Variants in PLD5 observed in about 807,000 individuals in gnomAD.
PLD5 encodes phospholipase D family member 5.
PLD5 carries 36 observed loss-of-function variants against 61.1 expected under a neutral mutation model. That is an observed-to-expected ratio of 0.59 (90% confidence interval 0.45 to 0.78). PLD5 has a LOEUF of 0.78. Ranked by LOEUF, PLD5 falls within the 30% of genes least tolerant of loss-of-function variation. The probability of loss-of-function intolerance (pLI) is 0.00; values close to 1 mark genes in which losing one functional copy is unlikely to be tolerated. For missense variants in PLD5, 515 were observed against 644.4 expected, an observed-to-expected ratio of 0.80 and a Z score of 2.17; for synonymous variants, 243 against 242.8, an observed-to-expected ratio of 1.00 and a Z score of -0.01.
rs1391355118 is a variant in PLD5 at position 242,394,382 on chromosome 1, GTATATA to G, written c.190-46146_190-46141del. ...TGTGTATATATGAGTATATATGTGT[GTATATA>G]TGAGTATATATGTGTGTATATATGA... On this transcript the variant is annotated intron_variant, in intron 1 of 9. Coordinates refer to ENST00000536534, the MANE Select transcript of PLD5 (RefSeq NM_001372062.1). 4.5e-5 allele frequency among the ~76,000 whole-genome samples: 4 copies of G among 89,402 alleles called. 1 individual carries two copies. The highest frequency in any genetic ancestry group is 8.9e-5 in the Non-Finnish European group (4 of 45,126). The allele number at this position is 89,402 out of a possible 152,430, so 58.7% of individuals were successfully genotyped here.
At chr1:242,347,169 T>G (rs1660188375) in intron 2 of PLD5, among the ~76,000 whole-genome samples, 1 of 152,210 alleles carries the variant, frequency 6.6e-6, no homozygotes, top group South Asian at 2.1e-4. Flanking sequence ...TCAGAACATT[T>G]CCTGCAACAG....
At position 242,310,586 on chromosome 1, in the gene PLD5, T is replaced by C. The variant is rs375983217; in HGVS notation, c.327-22056A>G. Among the ~76,000 whole-genome samples the C allele has an allele frequency of 8.5e-5, 13 of 152,346 alleles. No homozygotes were observed. In the South Asian group the frequency reaches 2.3e-3, roughly 27 times the overall value. ...GGAGAGGAAGATGGAAAGCATCTTA[T>C]AGGTTGGTGCAAAAGTAATCATGGG... On this transcript the variant is annotated intron_variant, in intron 2 of 9. Transcript: ENST00000536534.
intron 1 of PLD5, among the ~76,000 whole-genome samples, chr1:242,447,994 TCA>T (rs1666616279): frequency 6.6e-6 from 1 of 152,250 alleles, no homozygotes; most frequent in African/African-American, 2.4e-5. Flanking sequence ...TCCGAAGCAC[TCA>T]GAGTCCCATT....
chr1:242,504,442 C>T (rs1377557975), intron 1 of PLD5, among the ~76,000 whole-genome samples: 1 of 152,186 alleles, frequency 6.6e-6, no homozygotes. Flanking sequence ...ATAGGGCCCA[C>T]TTAGGAGTCA....
chr1:242,273,453 A>G (rs1458668393), intron 3 of PLD5, among the ~76,000 whole-genome samples: 4 of 152,216 alleles, frequency 2.6e-5, no homozygotes, highest in Admixed American at 2.6e-4. Context: ...GGCACATATG[A>G]AGGGACCTCT....
chr1:242,339,807 A>T (rs1172909294), intron 2 of PLD5, among the ~76,000 whole-genome samples: 2 of 152,192 alleles, frequency 1.3e-5, no homozygotes, highest in Admixed American at 1.3e-4. Flanking sequence ...TGAAGGAGTT[A>T]CATCAGGTGG....
At chr1:242,287,591 A>G (rs1259641211) in intron 3 of PLD5, among the ~76,000 whole-genome samples, 1 of 152,112 alleles carries the variant, frequency 6.6e-6, no homozygotes, top group African/African-American at 2.4e-5. Flanking sequence ...ATACCACTAC[A>G]TTTTGCATAA....
In PLD5 at chr1:242,083,888, C is replaced by A. The variant is rs1574265360; in HGVS notation, c.*5966G>T. ...TTGGTTGTGCATTTGTGTGGGAAAA[C>A]TCTAAATTAGAAACCATCTGTGTTT... On this transcript the variant is annotated 3_prime_UTR_variant, in exon 10 of 10. Coordinates refer to ENST00000536534, the MANE Select transcript of PLD5 (RefSeq NM_001372062.1). 1 of 152,094 alleles carries A rather than the reference C, an allele frequency of 6.6e-6. No homozygotes were observed. The highest frequency in any genetic ancestry group is 2.1e-4 in the South Asian group (1 of 4,828). The allele number at this position is 152,094 out of a possible 1,614,324, so 9.4% of individuals were successfully genotyped here.
At chr1:242,231,021 CTG>C (rs71859877) in intron 4 of PLD5, among the ~76,000 whole-genome samples, 7,766 of 152,244 alleles carry the variant, frequency 0.051, 660 homozygotes, top group African/African-American at 0.18. Flanking sequence ...AAAATAAAGA[CTG>C]TGCTCAAAAA....
At chr1:242,369,128 A>G (rs1661495541) in intron 1 of PLD5, among the ~76,000 whole-genome samples, 1 of 152,242 alleles carries the variant, frequency 6.6e-6, no homozygotes, top group Non-Finnish European at 1.5e-5. Context: ...TTGAGAATGT[A>G]GGACTGTCAA....
intron 1 of PLD5, among the ~76,000 whole-genome samples, chr1:242,419,667 C>A (rs1311069249): frequency 6.7e-6 from 1 of 150,344 alleles, no homozygotes; most frequent in Non-Finnish European, 1.5e-5. Context: ...CCCGCCTCGG[C>A]CTCCCGAAGT....
At chr1:242,218,663 C>T (rs1670371312) in intron 5 of PLD5, among the ~76,000 whole-genome samples, 1 of 152,016 alleles carries the variant, frequency 6.6e-6, no homozygotes, top group Admixed American at 6.6e-5. Context: ...TAACTTAGCA[C>T]CCCAGAAAGA....
intron 4 of PLD5, among the ~76,000 whole-genome samples, chr1:242,229,317 T>C (rs1459417326): frequency 6.6e-6 from 1 of 152,220 alleles, no homozygotes; most frequent in Non-Finnish European, 1.5e-5. Context: ...TTTAAACGCA[T>C]ATTACCAGCA....
intron 5 of PLD5, among the ~76,000 whole-genome samples, chr1:242,200,489 T>A (rs1457422415): frequency 6.6e-6 from 1 of 152,238 alleles, no homozygotes; most frequent in African/African-American, 2.4e-5. Flanking sequence ...TTTTTGGTTC[T>A]TGGTTGAATT....
intron 1 of PLD5, among the ~76,000 whole-genome samples, chr1:242,476,964 G>A (rs190192305): frequency 2.0e-5 from 3 of 152,068 alleles, no homozygotes; most frequent in Non-Finnish European, 4.4e-5. Context: ...TAATAGTAAG[G>A]GCTGGCCAGA....
At chr1:242,429,924 T>G (rs1387968743) in intron 1 of PLD5, among the ~76,000 whole-genome samples, 5 of 143,746 alleles carry the variant, frequency 3.5e-5, no homozygotes, top group African/African-American at 5.1e-5. Context: ...TTTAGGTCAT[T>G]TTTTTGTAGC....
chr1:242,169,596 C>G (rs569085), intron 5 of PLD5, among the ~76,000 whole-genome samples: 127,269 of 151,904 alleles, frequency 0.84, 53,817 homozygotes, highest in African/African-American at 0.95. Flanking sequence ...CACCCCCCTG[C>G]AAAGGAGGCT....
chr1:242,270,774 A>G (rs1201659658), intron 3 of PLD5, among the ~76,000 whole-genome samples: 1 of 152,202 alleles, frequency 6.6e-6, no homozygotes, highest in African/African-American at 2.4e-5. Context: ...AAGGCTGGGT[A>G]TATGAGGGGA....
At chr1:242,243,574 A>G (rs78037986) in intron 4 of PLD5, among the ~76,000 whole-genome samples, 2,350 of 152,290 alleles carry the variant, frequency 0.015, 63 homozygotes, top group African/African-American at 0.052. Context: ...TGGTAGTTCT[A>G]TGTACATGGC....
Sources: gnomAD v4.1 joint callset for allele counts (sites outside exome capture counted in the v4.1 genomes callset) on GRCh38, gnomAD v4.1.1 for gene constraint, MANE v1.5 for transcripts, NCBI Gene and HGNC (gene_info 2026-07-23, HGNC 2026-07-21) for gene names.